DMD: variants seen among roughly 807,000 people sequenced by gnomAD.
DMD encodes the protein dystrophin, also known as mutant dystrophin.
In DMD, 63 loss-of-function variants were observed where a neutral mutation model predicts 330.1. That is an observed-to-expected ratio of 0.19 (90% CI 0.16 to 0.24). The LOEUF is 0.24. Among genes scored for constraint, DMD ranks in the 10% least tolerant of loss-of-function variants. The probability of loss-of-function intolerance (pLI) is 1.00; values close to 1 mark genes in which losing one functional copy is unlikely to be tolerated. For synonymous variants in DMD, 1,223 were observed against 959.8 expected, an observed-to-expected ratio of 1.27 and a Z score of -5.07; for missense variants, 3,344 against 2,684.1, an observed-to-expected ratio of 1.25 and a Z score of -5.43.
chrX:32,517,062 A>G (rs938000438), intron 18 of DMD: 2 of 111,342 alleles, frequency 1.8e-5, no homozygotes, highest in Non-Finnish European at 3.8e-5. Context: ...AAAAGTTCCA[A>G]CCCCAACAGC....
At chrX:31,205,940 G>T (rs2044017922) in intron 66 of DMD, among the ~76,000 whole-genome samples, 1 of 112,570 alleles carries the variant, frequency 8.9e-6, no homozygotes, top group African/African-American at 3.2e-5. Context: ...TTCACAATAT[G>T]AATGGATGGT....
At chrX:32,825,307 A>G (rs2078609393) in intron 4 of DMD, among the ~76,000 whole-genome samples, 1 of 111,294 alleles carries the variant, frequency 9.0e-6, no homozygotes, top group African/African-American at 3.3e-5. Flanking sequence ...ATCCACTGTC[A>G]TAAGACTTGT....
chrX:32,390,118 C>A lies in DMD; in HGVS notation c.4297G>T (p.Gly1433Trp). 4.1e-6 allele frequency: 5 copies of A among 1,210,642 alleles called. No homozygotes were observed. The highest frequency in any genetic ancestry group is 5.6e-6 in the Non-Finnish European group (5 of 894,613). The change falls in exon 31 of 79, where the codon GGG becomes TGG. Residue 1433 changes from glycine to tryptophan, a missense_variant. Coordinates refer to ENST00000357033, the MANE Select transcript of DMD (RefSeq NM_004006.3). ...AGGACTCTTTGGGCAGCCTCCTTCC[C>A]CTGATTATGTTTCTTCATTTCTTCT... ...SLEEMKKHNQ[G>W]KEAAQRVLSQ...
At chrX:32,504,426 C>G (rs1018035832) in intron 18 of DMD, among the ~76,000 whole-genome samples, 5 of 110,634 alleles carry the variant, frequency 4.5e-5, no homozygotes, top group Non-Finnish European at 9.5e-5. Flanking sequence ...GAGTTCGAGA[C>G]CAGCCTGGCC....
intron 66 of DMD, among the ~76,000 whole-genome samples, chrX:31,205,012 G>T (rs1024374087): frequency 3.6e-5 from 4 of 112,025 alleles, no homozygotes; most frequent in Admixed American, 1.9e-4. Context: ...ATATCCCCTT[G>T]AGGGAAGGAA....
chrX:32,080,462 C>T (rs1412269867), intron 44 of DMD, among the ~76,000 whole-genome samples: 2 of 111,788 alleles, frequency 1.8e-5, no homozygotes, highest in Non-Finnish European at 3.8e-5. Flanking sequence ...ATGTAAATAC[C>T]CAGAAGAAAT....
chrX:33,016,358 A>G (rs894400745), intron 2 of DMD, among the ~76,000 whole-genome samples: 2 of 112,038 alleles, frequency 1.8e-5, no homozygotes, highest in South Asian at 7.4e-4. Flanking sequence ...ACTTACATGT[A>G]GACATACAGC....
Position 32,728,347 on chromosome X carries a change from G to T in DMD, c.650-29054C>A, listed in dbSNP as rs764763254. On this transcript the variant is annotated intron_variant, in intron 7 of 78. Transcript: ENST00000357033. ...AAATACAACCCAATGTTGTAATACA[G>T]GCAAAATATAATATTTTTAAATGAT... Among the ~76,000 whole-genome samples, 5 of 111,532 alleles carry T rather than the reference G, an allele frequency of 4.5e-5. No homozygotes were observed. In the East Asian group the frequency reaches 1.4e-3, roughly 32 times the overall value.
intron 52 of DMD, among the ~76,000 whole-genome samples, chrX:31,722,405 C>A (rs1214578089): frequency 3.6e-5 from 4 of 111,092 alleles, no homozygotes; most frequent in Non-Finnish European, 7.5e-5. Context: ...CAGGAGTGAG[C>A]CACTGTGCCC....
intron 1 of DMD, among the ~76,000 whole-genome samples, chrX:33,308,626 A>G (rs2053799683): frequency 9.0e-6 from 1 of 111,637 alleles, no homozygotes; most frequent in East Asian, 2.8e-4. Context: ...TCCCCAATTG[A>G]GTGTTTTCCA....
intron 74 of DMD, among the ~76,000 whole-genome samples, chrX:31,159,878 T>C (rs1327412600): frequency 8.9e-6 from 1 of 112,253 alleles, no homozygotes; most frequent in Non-Finnish European, 1.9e-5. Context: ...CACAGGACCA[T>C]ATAGTAGCTA....
chrX:32,162,590 C>CTTTT (rs3040088), intron 44 of DMD, among the ~76,000 whole-genome samples: 30 of 43,249 alleles, frequency 6.9e-4, no homozygotes, highest in Non-Finnish European at 9.0e-4. Context: ...AAGCAACAAG[C>CTTTT]TTTTTTTTTT....
At chrX:31,138,835 A>G (rs2035673698) in intron 76 of DMD, among the ~76,000 whole-genome samples, 1 of 111,489 alleles carries the variant, frequency 9.0e-6, no homozygotes, top group Admixed American at 9.5e-5. Context: ...ACAATTTGAG[A>G]TGAGATTTAG....
chrX:32,553,888 T>C (rs943556925), intron 16 of DMD, among the ~76,000 whole-genome samples: 5 of 111,466 alleles, frequency 4.5e-5, no homozygotes, highest in African/African-American at 1.3e-4. Flanking sequence ...TGTTTGAAAG[T>C]GTGTGGCAAC....
chrX:32,857,180 C>CGAAG (rs2081644678), intron 2 of DMD, among the ~76,000 whole-genome samples: 1 of 112,173 alleles, frequency 8.9e-6, no homozygotes, highest in Admixed American at 9.4e-5. Flanking sequence ...GCTTCGCATG[C>CGAAG]CTGTATCAAT....
intron 44 of DMD, among the ~76,000 whole-genome samples, chrX:31,971,582 G>T (rs1276438440): frequency 9.0e-6 from 1 of 110,957 alleles, no homozygotes; most frequent in African/African-American, 3.3e-5. Context: ...ACAGTGCATG[G>T]CCTGCTCAAG....
At position 32,613,903 on chromosome X, in the gene DMD, G is replaced by A. The variant is rs776483112; in HGVS notation, c.1482+400C>T. Among the ~76,000 whole-genome samples the A allele has an allele frequency of 6.3e-5, 7 of 110,860 alleles. No individual in the cohort carries two copies. In the East Asian group the frequency reaches 1.4e-3, roughly 23 times the overall value. On this transcript the variant is annotated intron_variant, in intron 12 of 78. Transcript: ENST00000357033. ...GTACCTTTATTTTTTCACAGTTCTCGAGTTTGGGAAATCCAAGATCAAGAT... is the reference window on the plus strand; with the variant it reads ...GTACCTTTATTTTTTCACAGTTCTCAAGTTTGGGAAATCCAAGATCAAGAT...
intron 43 of DMD, among the ~76,000 whole-genome samples, chrX:32,252,663 AATATAT>A: frequency 2.5e-5 from 1 of 40,361 alleles, no homozygotes; most frequent in African/African-American, 1.4e-4. Flanking sequence ...CAAATATATA[AATATAT>A]ATATATAAAT....
intron 9 of DMD, among the ~76,000 whole-genome samples, chrX:32,653,521 C>T (rs1486606675): frequency 8.9e-6 from 1 of 111,741 alleles, no homozygotes; most frequent in African/African-American, 3.3e-5. Context: ...GTCTATATCT[C>T]TATTCTGATA....
Sources: allele counts gnomAD v4.1 joint callset (sites outside exome capture counted in the v4.1 genomes callset), GRCh38; gene constraint gnomAD v4.1.1; transcripts MANE v1.5; gene names NCBI Gene and HGNC (gene_info 2026-07-23, HGNC 2026-07-21).